CFAP47: variants seen among roughly 807,000 people sequenced by gnomAD.
The protein encoded by CFAP47 is cilia- and flagella-associated protein 47.
In CFAP47, 29 loss-of-function variants were observed where a neutral mutation model predicts 148.1. The ratio of observed to expected loss-of-function variants is 0.20; its 90% CI spans 0.15 to 0.27. The LOEUF is 0.27. Ranked by LOEUF, CFAP47 falls within the 10% of genes least tolerant of loss-of-function variation. CFAP47 has a pLI of 1.00. For synonymous variants in CFAP47, 664 were observed against 577.3 expected (o/e 1.15, Z -2.15); for missense variants, 1,872 against 1,697.5 (o/e 1.10, Z -1.81).
intron 8 of CFAP47, among the ~76,000 whole-genome samples, chrX:35,960,128 A>G (rs1158126674): frequency 9.4e-6 from 1 of 106,461 alleles, no homozygotes; most frequent in East Asian, 2.9e-4. Flanking sequence ...TTTCGAGACA[A>G]GATACTTCAC....
chrX:36,379,566 A>C (rs1556023719), intron 63 of CFAP47, 48 bp downstream of exon 63: 1 of 960,208 alleles, frequency 1.0e-6, no homozygotes, highest in Non-Finnish European at 1.5e-6. Flanking sequence ...GCAACTAAAG[A>C]CACTAAATAA....
intron 62 of CFAP47, among the ~76,000 whole-genome samples, chrX:36,378,833 G>C (rs377399496): frequency 4.6e-5 from 5 of 107,832 alleles, no homozygotes; most frequent in Non-Finnish European, 7.6e-5. Flanking sequence ...GAGCCACTGC[G>C]CTGTGTCTTA....
At chrX:36,052,332 A>G (rs141370992) in intron 26 of CFAP47, among the ~76,000 whole-genome samples, 1,486 of 112,203 alleles carry the variant, frequency 0.013, 28 homozygotes, top group African/African-American at 0.046. Context: ...ATTCTTGCTT[A>G]ATTTTGCAAG....
chrX:36,105,104 A>G (rs1028137436), intron 33 of CFAP47, among the ~76,000 whole-genome samples: 1 of 112,043 alleles, frequency 8.9e-6, no homozygotes, highest in South Asian at 3.7e-4. Context: ...GTTGGAAATC[A>G]CTAAGAGCAA....
rs755957921 is a variant in CFAP47 at position 35,966,745 on chromosome X, T to C, written c.1591T>C (p.Phe531Leu). ...KASTKKVVMKFDPGILPSIRN... is the reference protein window; with the variant it reads ...KASTKKVVMKLDPGILPSIRN... ...TTCCACCAAGAAAGTTGTGATGAAA[T>C]TTGATCCTGGTATGCTATTGTGTAG... The change falls in exon 9 of 64, where the codon TTT (phenylalanine) becomes CTT (leucine). Residue 531 changes from phenylalanine to leucine, a missense_variant. Phe to Leu is a conservative substitution (Grantham distance 22, BLOSUM62 0). Transcript: ENST00000378653. 2 of 1,126,804 alleles carry C rather than the reference T, an allele frequency of 1.8e-6. No individual in the cohort carries two copies. The highest frequency in any genetic ancestry group is 2.4e-6 in the Non-Finnish European group (2 of 847,384). 92.9% of individuals were successfully genotyped at this position (1,126,804 alleles called of 1,213,427 possible).
chrX:36,136,818 T>C (rs747380260), intron 33 of CFAP47, among the ~76,000 whole-genome samples: 1 of 111,975 alleles, frequency 8.9e-6, no homozygotes, highest in Non-Finnish European at 1.9e-5. Flanking sequence ...ATTAATTCGA[T>C]TACATTGAAT....
chrX:36,027,958 T>C (rs754509529), intron 22 of CFAP47, among the ~76,000 whole-genome samples: 6 of 112,000 alleles, frequency 5.4e-5, no homozygotes, highest in Non-Finnish European at 1.1e-4. Flanking sequence ...TTGTCTTTTT[T>C]TGAGAAGTTT....
At chrX:36,382,116 A>C (rs1942083618) in intron 63 of CFAP47, among the ~76,000 whole-genome samples, 1 of 111,300 alleles carries the variant, frequency 9.0e-6, no homozygotes, top group South Asian at 3.8e-4. Flanking sequence ...GATCTCAATT[A>C]ACAGATGTAG....
chrX:35,940,681 C>T (rs763336729), intron 2 of CFAP47, among the ~76,000 whole-genome samples: 4 of 111,075 alleles, frequency 3.6e-5, no homozygotes, highest in Non-Finnish European at 5.7e-5. Context: ...TCTCTCTGTG[C>T]GAAGTGTGGA....
At chrX:35,985,398 G>A (rs1016114215) in intron 15 of CFAP47, among the ~76,000 whole-genome samples, 1 of 111,241 alleles carries the variant, frequency 9.0e-6, no homozygotes, top group African/African-American at 3.3e-5. Context: ...AGCAGGGGAG[G>A]AGAGGGGAGA....
intron 39 of CFAP47, among the ~76,000 whole-genome samples, chrX:36,171,381 G>T (rs1223056135): frequency 9.0e-6 from 1 of 111,087 alleles, no homozygotes; most frequent in South Asian, 3.8e-4. Context: ...CCATGCTTGT[G>T]TCCTGAATGG....
At chrX:35,945,230 C>A (rs984200360) in intron 3 of CFAP47, among the ~76,000 whole-genome samples, 2 of 111,902 alleles carry the variant, frequency 1.8e-5, no homozygotes, top group African/African-American at 6.5e-5. Context: ...CACTCTCTGG[C>A]ATATATAACT....
chrX:36,289,294 G>A (rs1019796584), intron 51 of CFAP47, among the ~76,000 whole-genome samples: 50 of 110,390 alleles, frequency 4.5e-4, no homozygotes, highest in Non-Finnish European at 1.3e-4. Context: ...GTGAGCCACC[G>A]CACCCGGGCC....
chrX:36,057,099 T>G (rs1462336703), intron 26 of CFAP47, among the ~76,000 whole-genome samples: 2 of 112,230 alleles, frequency 1.8e-5, no homozygotes, highest in African/African-American at 3.2e-5. Context: ...AAAGTAGTTT[T>G]TTTTTTCCAG....
intron 22 of CFAP47, among the ~76,000 whole-genome samples, chrX:36,027,154 TTATA>T (rs951445806): frequency 9.7e-6 from 1 of 102,722 alleles, no homozygotes; most frequent in Admixed American, 1.1e-4. Context: ...ATATATATGA[TTATA>T]TATATGTGAT....
chrX:36,204,038 G>A (rs895808697), intron 44 of CFAP47, among the ~76,000 whole-genome samples: 8 of 111,552 alleles, frequency 7.2e-5, no homozygotes, highest in African/African-American at 2.6e-4. Context: ...TTTTGGCTGC[G>A]TAAATGTCTT....
intron 45 of CFAP47, among the ~76,000 whole-genome samples, chrX:36,209,389 A>G (rs782346130): frequency 1.8e-5 from 2 of 111,662 alleles, no homozygotes; most frequent in Non-Finnish European, 3.8e-5. Context: ...ACAATTGTAA[A>G]GCATCCTGTC....
chrX:36,353,976 T>G (rs1235095021), intron 60 of CFAP47, among the ~76,000 whole-genome samples: 6 of 111,871 alleles, frequency 5.4e-5, no homozygotes, highest in Admixed American at 9.5e-5. Context: ...CTCAACTTTG[T>G]TTTTTTCTTT....
chrX:36,336,244 GACACACACACACAC>G (rs781925226), intron 57 of CFAP47, among the ~76,000 whole-genome samples: 400 of 65,707 alleles, frequency 6.1e-3, no homozygotes, highest in African/African-American at 0.019. Flanking sequence ...CAGACACACA[GACACACACACACAC>G]ACACACACAC....
Sources: allele counts gnomAD v4.1 joint callset (sites outside exome capture counted in the v4.1 genomes callset), GRCh38; gene constraint gnomAD v4.1.1; transcripts MANE v1.5; gene names NCBI Gene and HGNC (gene_info 2026-07-23, HGNC 2026-07-21).